The following PCDH19 variants were observed in gnomAD, a reference collection of about 807,000 sequenced individuals.
PCDH19 encodes protocadherin-19.
In PCDH19, 6 loss-of-function variants were observed where a neutral mutation model predicts 46.2. The ratio of observed to expected loss-of-function variants is 0.13; its 90% CI spans 0.07 to 0.26. The LOEUF is 0.26. Among genes scored for constraint, PCDH19 ranks in the 10% least tolerant of loss-of-function variants. The probability of loss-of-function intolerance (pLI) is 1.00; values close to 1 mark genes in which losing one functional copy is unlikely to be tolerated. For synonymous variants in PCDH19, 481 were observed against 415.7 expected (o/e 1.16, Z -1.91); for missense variants, 740 against 972.3 (o/e 0.76, Z 3.18).
intron 3 of PCDH19, among the ~76,000 whole-genome samples, chrX:100,370,813 GT>G (rs1318289810): frequency 1.8e-5 from 2 of 111,302 alleles, no homozygotes; most frequent in Non-Finnish European, 3.8e-5. Context: ...TTTTTAGGAG[GT>G]TTTGAAGCTT....
At chrX:100,310,637 A>G (rs957715827) in intron 5 of PCDH19, among the ~76,000 whole-genome samples, 2 of 110,116 alleles carry the variant, frequency 1.8e-5, no homozygotes, top group Non-Finnish European at 3.8e-5. Context: ...AAAACATAGG[A>G]CCGTTTTTGA....
intron 3 of PCDH19, among the ~76,000 whole-genome samples, chrX:100,374,528 CT>C (rs1927316059): frequency 8.9e-6 from 1 of 111,822 alleles, no homozygotes. Flanking sequence ...AAAATGGAAA[CT>C]TTACCATTAA....
chrX:100,405,175 G>A (rs972655357), intron 1 of PCDH19, among the ~76,000 whole-genome samples: 21 of 111,998 alleles, frequency 1.9e-4, no homozygotes, highest in Non-Finnish European at 1.1e-4. Flanking sequence ...CATTTCAGAC[G>A]GTGTCAAATA....
At chrX:100,398,847 G>A (rs1602629998) in intron 3 of PCDH19, among the ~76,000 whole-genome samples, 1 of 111,880 alleles carries the variant, frequency 8.9e-6, no homozygotes, top group South Asian at 3.7e-4. Context: ...CCTGTAACTG[G>A]ATCTACAGCT....
chrX:100,383,680 A>G (rs1186590772), intron 3 of PCDH19, among the ~76,000 whole-genome samples: 1 of 112,549 alleles, frequency 8.9e-6, no homozygotes, highest in Non-Finnish European at 1.9e-5. Flanking sequence ...TCAGTTTGGT[A>G]CATTTTCAAT....
At chrX:100,344,461 T>C (rs1177163402) in intron 4 of PCDH19, among the ~76,000 whole-genome samples, 3 of 110,137 alleles carry the variant, frequency 2.7e-5, no homozygotes, top group African/African-American at 9.9e-5. Flanking sequence ...AATTATTCTC[T>C]GTCACGTGAG....
At chrX:100,320,715 A>G (rs1260458628) in intron 5 of PCDH19, among the ~76,000 whole-genome samples, 1 of 111,615 alleles carries the variant, frequency 9.0e-6, no homozygotes, top group Non-Finnish European at 1.9e-5. Flanking sequence ...GGAAATGACA[A>G]GAAAAAAAGA....
Position 100,406,970 on chromosome X carries a change from A to T in PCDH19, c.1628T>A (p.Leu543Gln). 8.3e-7 allele frequency: 1 copy of T among 1,211,722 alleles called. No individual in the cohort carries two copies. Among genetic ancestry groups the T allele is most frequent in the Non-Finnish European group, 1.1e-6 (1 of 895,521 alleles). ...GACCCGCACCGTAGCGTTGCTTTGC[A>T]GTGAGGGAAGGCCGCCGTCCTTGGC... is the stretch of plus-strand genomic sequence containing the variant. The part of the protein sequence containing the change: ...VLAKDGGLPS[L>Q]QSNATVRVII... Residue 543 changes from leucine to glutamine, a missense_variant, in exon 1 of 6, where the codon CTG (leucine) becomes CAG (glutamine). Around this residue, in one of 5 missense-constraint regions of PCDH19, gnomAD observed 186 missense variants for 319.9 expected, o/e 0.58. Coordinates refer to ENST00000373034, the MANE Select transcript of PCDH19 (RefSeq NM_001184880.2).
intron 1 of PCDH19, among the ~76,000 whole-genome samples, chrX:100,406,174 G>A (rs1373188716): frequency 9.0e-6 from 1 of 111,495 alleles, no homozygotes. Flanking sequence ...ACTTCATGGA[G>A]ACAGCTATGC....
intron 5 of PCDH19, among the ~76,000 whole-genome samples, chrX:100,333,788 C>A (rs1479374806): frequency 1.3e-5 from 1 of 79,612 alleles, no homozygotes; most frequent in African/African-American, 5.3e-5. Flanking sequence ...TTTTCCTCTT[C>A]ATTTTTTTTT....
intron 5 of PCDH19, among the ~76,000 whole-genome samples, chrX:100,340,942 C>CT (rs971716840): frequency 3.1e-4 from 35 of 111,829 alleles, no homozygotes; most frequent in African/African-American, 9.7e-4. Flanking sequence ...TTGAGTCTAG[C>CT]TTTTCTCAAG....
chrX:100,381,865 A>G (rs1643641144), intron 3 of PCDH19, among the ~76,000 whole-genome samples: 1 of 111,481 alleles, frequency 9.0e-6, no homozygotes, highest in African/African-American at 3.3e-5. Context: ...GCTGAGGTTT[A>G]CTCTGGGTCT....
intron 3 of PCDH19, among the ~76,000 whole-genome samples, chrX:100,354,128 G>A (rs1218996859): frequency 9.0e-6 from 1 of 111,667 alleles, no homozygotes; most frequent in African/African-American, 3.3e-5. Flanking sequence ...ATTATATTAT[G>A]GGTCTATGTA....
intron 5 of PCDH19, among the ~76,000 whole-genome samples, chrX:100,338,336 C>T (rs1379964669): frequency 1.2e-5 from 1 of 80,186 alleles, no homozygotes; most frequent in Non-Finnish European, 2.4e-5. Context: ...AGCGAGACTC[C>T]GTCTCAAAAA....
chrX:100,385,919 A>G (rs187452426), intron 3 of PCDH19, among the ~76,000 whole-genome samples: 2 of 111,999 alleles, frequency 1.8e-5, no homozygotes, highest in South Asian at 3.8e-4. Flanking sequence ...ATCTTATAAC[A>G]TAATGTAAAG....
At chrX:100,323,684 T>C (rs758902452) in intron 5 of PCDH19, among the ~76,000 whole-genome samples, 1 of 110,239 alleles carries the variant, frequency 9.1e-6, no homozygotes, top group African/African-American at 3.3e-5. Context: ...AGAGAAAAAA[T>C]AGTAAAGAAG....
chrX:100,328,138 G>C (rs746782837), intron 5 of PCDH19, among the ~76,000 whole-genome samples: 77 of 111,999 alleles, frequency 6.9e-4, no homozygotes, highest in Non-Finnish European at 1.3e-3. Flanking sequence ...TCCTCATCTA[G>C]AGATTCTGTC....
intron 5 of PCDH19, among the ~76,000 whole-genome samples, chrX:100,305,603 T>C (rs1170404521): frequency 1.8e-5 from 2 of 111,658 alleles, no homozygotes; most frequent in Non-Finnish European, 3.8e-5. Context: ...GCCTAAATGC[T>C]CCACTTAAAA....
At chrX:100,391,202 T>G (rs184754248) in intron 3 of PCDH19, among the ~76,000 whole-genome samples, 28 of 111,215 alleles carry the variant, frequency 2.5e-4, no homozygotes, top group African/African-American at 9.2e-4. Flanking sequence ...CTCTATAAAT[T>G]TTTAGGTAGA....
Sources: allele counts gnomAD v4.1 joint callset (sites outside exome capture counted in the v4.1 genomes callset), GRCh38; gene constraint gnomAD v4.1.1; regional missense constraint gnomAD v4.1.1; transcripts MANE v1.5; gene names NCBI Gene and HGNC (gene_info 2026-07-23, HGNC 2026-07-21).